The following CREB3L2 variants were observed in gnomAD, a reference collection of about 807,000 sequenced individuals.
CREB3L2 encodes cAMP responsive element binding protein 3 like 2.
A neutral mutation model predicts 57.2 loss-of-function variants in CREB3L2; 23 were observed. The ratio of observed to expected loss-of-function variants is 0.40; its 90% CI spans 0.29 to 0.57. The LOEUF is 0.57. Among genes scored for constraint, CREB3L2 ranks in the 20% least tolerant of loss-of-function variants. The probability of loss-of-function intolerance (pLI) is 0.42; values close to 1 mark genes in which losing one functional copy is unlikely to be tolerated. For synonymous variants in CREB3L2, 268 were observed against 265.1 expected (o/e 1.01, Z -0.11); for missense variants, 628 against 634.7 (o/e 0.99, Z 0.11).
At chr7:137,922,732 C>G (rs761272539) in intron 2 of CREB3L2, 1 of 416,364 alleles carries the variant, frequency 2.4e-6, no homozygotes, top group Admixed American at 2.5e-5. Context: ...ACAGGGAGGG[C>G]GGACCGTACA....
At chr7:137,974,146 T>C (rs1306438507) in intron 1 of CREB3L2, among the ~76,000 whole-genome samples, 2 of 152,164 alleles carry the variant, frequency 1.3e-5, no homozygotes, top group Non-Finnish European at 2.9e-5. Flanking sequence ...TGAACAAATA[T>C]TCCTGAGAGC....
intron 1 of CREB3L2, among the ~76,000 whole-genome samples, chr7:137,959,771 C>T (rs759129329): frequency 3.9e-5 from 6 of 152,084 alleles, no homozygotes; most frequent in Non-Finnish European, 7.4e-5. Flanking sequence ...TTAAATTATC[C>T]GAAGTAAACT....
intron 4 of CREB3L2, 148 bp downstream of exon 4, chr7:137,912,843 T>A: frequency 2.6e-6 from 4 of 1,527,714 alleles, no homozygotes; most frequent in Non-Finnish European, 3.5e-6. Flanking sequence ...GGAAGCAAAA[T>A]TTTTATTTTT....
chr7:137,979,587 G>A (rs1027663511), intron 1 of CREB3L2, among the ~76,000 whole-genome samples: 2 of 152,132 alleles, frequency 1.3e-5, no homozygotes, highest in East Asian at 1.9e-4. Flanking sequence ...TTAGCCGGGC[G>A]TGGTGGTGGG....
rs1268146216 is a variant in CREB3L2 at position 137,963,245 on chromosome 7, T to C, written c.103-34879A>G. Among the ~76,000 whole-genome samples, 6 of 152,360 alleles carry C rather than the reference T, an allele frequency of 3.9e-5. No homozygotes were observed. The East Asian group carries it at 9.6e-4, about 24-fold the overall frequency. On this transcript the variant is annotated intron_variant, in intron 1 of 11. Transcript: ENST00000330387. ...CGGAGGCTCTAAGCCAGAATTTACC[T>C]GCTCTTCAGGACCTCTTAGCAAGTC...
At chr7:137,913,817 A>C (rs1203955251) in intron 3 of CREB3L2, among the ~76,000 whole-genome samples, 1 of 152,116 alleles carries the variant, frequency 6.6e-6, no homozygotes, top group Non-Finnish European at 1.5e-5. Context: ...GATTCCCAAG[A>C]CTACAGAATT....
intron 1 of CREB3L2, among the ~76,000 whole-genome samples, chr7:137,994,308 A>G (rs1306791847): frequency 6.6e-6 from 1 of 152,228 alleles, no homozygotes; most frequent in Admixed American, 6.5e-5. Flanking sequence ...GCCCTCATCA[A>G]TATTTGAACA....
intron 1 of CREB3L2, among the ~76,000 whole-genome samples, chr7:137,935,708 C>T (rs969496152): frequency 4.2e-4 from 64 of 152,284 alleles, no homozygotes; most frequent in African/African-American, 1.5e-3. Context: ...CATTCTATAA[C>T]ATCCTAACGA....
intron 8 of CREB3L2, among the ~76,000 whole-genome samples, chr7:137,900,174 G>A (rs1799721800): frequency 6.6e-6 from 1 of 152,180 alleles, no homozygotes; most frequent in Non-Finnish European, 1.5e-5. Context: ...TCTTGCATAT[G>A]AGCCAGGCAT....
intron 1 of CREB3L2, among the ~76,000 whole-genome samples, chr7:137,972,226 G>A (rs1054775435): frequency 6.6e-6 from 1 of 152,034 alleles, no homozygotes; most frequent in African/African-American, 2.4e-5. Context: ...GGATCACAAT[G>A]TCAGGAGTTC....
At chr7:137,962,086 A>G (rs977892087) in intron 1 of CREB3L2, among the ~76,000 whole-genome samples, 3 of 152,168 alleles carry the variant, frequency 2.0e-5, no homozygotes, top group Non-Finnish European at 4.4e-5. Context: ...GTCAGGAAAC[A>G]CTTGTAGAAC....
intron 1 of CREB3L2, among the ~76,000 whole-genome samples, chr7:137,991,317 C>T (rs553443160): frequency 8.6e-5 from 13 of 151,274 alleles, no homozygotes; most frequent in Middle Eastern, 3.4e-3. Context: ...GCACCCACCA[C>T]CACACCTGGC....
In CREB3L2 at chr7:137,879,543, C is replaced by T. The variant is rs1004288753; in HGVS notation, c.*933G>A. 2 of 240,670 alleles carry T rather than the reference C, an allele frequency of 8.3e-6. No individual in the cohort carries two copies. The highest frequency in any genetic ancestry group is 1.6e-5 in the Non-Finnish European group (2 of 122,846). 14.9% of individuals were successfully genotyped at this position (240,670 alleles called of 1,614,324 possible). ...GCAGACACATACATGCTCAAAGGAA[C>T]TTCTTTTTCAATGGTAATTATTCCA... is the stretch of plus-strand genomic sequence containing the variant. On this transcript the variant is annotated 3_prime_UTR_variant, in exon 12 of 12. Coordinates refer to ENST00000330387, the MANE Select transcript of CREB3L2 (RefSeq NM_194071.4).
chr7:137,919,489 G>C (rs770716816), intron 2 of CREB3L2, among the ~76,000 whole-genome samples: 4 of 152,126 alleles, frequency 2.6e-5, no homozygotes, highest in Admixed American at 6.5e-5. Context: ...TCTAGATGAG[G>C]AAAATGACAC....
intron 1 of CREB3L2, chr7:137,956,728 T>C: frequency 9.9e-7 from 1 of 1,005,544 alleles, no homozygotes; most frequent in Non-Finnish European, 1.4e-6. Flanking sequence ...TTCTGAATTC[T>C]TTGAGTTGGG....
At chr7:137,983,151 T>C (rs1478408620) in intron 1 of CREB3L2, among the ~76,000 whole-genome samples, 1 of 152,218 alleles carries the variant, frequency 6.6e-6, no homozygotes, top group Non-Finnish European at 1.5e-5. Flanking sequence ...TTCCCATGTG[T>C]GCCATAAGAG....
intron 1 of CREB3L2, chr7:137,956,565 T>C (rs1023618004): frequency 2.3e-6 from 3 of 1,285,548 alleles, no homozygotes; most frequent in Non-Finnish European, 3.0e-6. Flanking sequence ...CATTGCACTC[T>C]CTACCTTCCA....
chr7:137,932,550 T>C (rs1487820111), intron 1 of CREB3L2, among the ~76,000 whole-genome samples: 3 of 152,042 alleles, frequency 2.0e-5, no homozygotes, highest in South Asian at 2.1e-4. Context: ...CTGGGCAACA[T>C]GGCAAGACCC....
At chr7:137,949,093 G>A (rs770163420) in intron 1 of CREB3L2, among the ~76,000 whole-genome samples, 5 of 152,194 alleles carry the variant, frequency 3.3e-5, no homozygotes, top group Non-Finnish European at 5.9e-5. Flanking sequence ...GAGATCACTC[G>A]TCTCATGGCA....
Sources: allele counts gnomAD v4.1 joint callset (sites outside exome capture counted in the v4.1 genomes callset), GRCh38; gene constraint gnomAD v4.1.1; transcripts MANE v1.5; gene names NCBI Gene and HGNC (gene_info 2026-07-23, HGNC 2026-07-21).